IMPG2: variants seen among roughly 807,000 people sequenced by gnomAD.
IMPG2 encodes IPM 200.
IMPG2 carries 91 observed loss-of-function variants against 129.2 expected under a neutral mutation model. That is an observed-to-expected ratio of 0.70 (90% CI 0.59 to 0.84). The LOEUF is 0.84. Ranked by LOEUF, IMPG2 falls within the 40% of genes least tolerant of loss-of-function variation. IMPG2 has a pLI of 0.00. For synonymous variants in IMPG2, 510 were observed against 517.7 expected (o/e 0.99, Z 0.20); for missense variants, 1,430 against 1,461.7 (o/e 0.98, Z 0.35).
chr3:101,319,543 G>T, intron 2 of IMPG2, 41 bp downstream of exon 2: 1 of 1,609,166 alleles, frequency 6.2e-7, no homozygotes, highest in Non-Finnish European at 8.5e-7. Context: ...AACTATGTTT[G>T]AATTTCATTA....
rs1262205875 is a variant in IMPG2, at chr3:101,235,210, T to C, written c.3023-2219A>G. On this transcript the variant is annotated intron_variant, in intron 14 of 18. Coordinates refer to ENST00000193391, the MANE Select transcript of IMPG2 (RefSeq NM_016247.4). ...CATCATGCTGTGCATGGAAAAACTGTATCACTCCGAAGGAAAGTGTGAGAG... is the reference window on the plus strand; with the variant it reads ...CATCATGCTGTGCATGGAAAAACTGCATCACTCCGAAGGAAAGTGTGAGAG... Among the ~76,000 whole-genome samples the C allele has an allele frequency of 4.6e-5, 7 of 152,366 alleles. No individual in the cohort carries two copies. In the East Asian group the frequency reaches 7.7e-4, roughly 17 times the overall value.
chr3:101,313,852 A>G (rs2058769106), intron 2 of IMPG2, among the ~76,000 whole-genome samples: 1 of 152,124 alleles, frequency 6.6e-6, no homozygotes, highest in African/African-American at 2.4e-5. Flanking sequence ...GAATATACCC[A>G]AAAAAGCTAC....
intron 11 of IMPG2, among the ~76,000 whole-genome samples, chr3:101,252,940 A>G (rs1463879987): frequency 1.3e-5 from 2 of 152,196 alleles, no homozygotes; most frequent in African/African-American, 4.8e-5. Context: ...CTGTTTGTAT[A>G]TGATAACAAA....
chr3:101,263,599 C>T (rs1706692023), intron 9 of IMPG2, among the ~76,000 whole-genome samples: 1 of 151,552 alleles, frequency 6.6e-6, no homozygotes, highest in Non-Finnish European at 1.5e-5. Flanking sequence ...CATCAAACAA[C>T]TAAAAAGATT....
At chr3:101,246,153 T>C (rs371432701) in intron 11 of IMPG2, 48 bp from the exon 12 acceptor site, 52 of 1,578,462 alleles carry the variant, frequency 3.3e-5, no homozygotes, top group Non-Finnish European at 4.2e-5. Flanking sequence ...AAGAAACATA[T>C]AAAAAGTGAT....
chr3:101,299,560 C>T (rs1707118147), intron 3 of IMPG2, among the ~76,000 whole-genome samples: 1 of 151,936 alleles, frequency 6.6e-6, no homozygotes, highest in Admixed American at 6.5e-5. Flanking sequence ...GGATGCTGAC[C>T]CTTGGATTGA....
intron 11 of IMPG2, among the ~76,000 whole-genome samples, 189 bp downstream of exon 11, chr3:101,253,507 G>C (rs1429531408): frequency 6.6e-6 from 1 of 152,078 alleles, no homozygotes; most frequent in Admixed American, 6.6e-5. Context: ...CACTGCAGAA[G>C]GCTTAAATTT....
At chr3:101,294,985 T>C (rs751596278) in intron 3 of IMPG2, among the ~76,000 whole-genome samples, 39 of 152,196 alleles carry the variant, frequency 2.6e-4, no homozygotes, top group Non-Finnish European at 4.9e-4. Context: ...TATTAGACCT[T>C]TGTCAGATGG....
chr3:101,312,405 T>C (rs1559660870), intron 2 of IMPG2, among the ~76,000 whole-genome samples: 1 of 151,908 alleles, frequency 6.6e-6, no homozygotes, highest in Non-Finnish European at 1.5e-5. Flanking sequence ...AAATGATAAA[T>C]AAGCATATGA....
intron 10 of IMPG2, among the ~76,000 whole-genome samples, 195 bp downstream of exon 10, chr3:101,257,334 C>T (rs539844077): frequency 8.9e-4 from 136 of 152,232 alleles, no homozygotes; most frequent in Middle Eastern, 3.4e-3. Flanking sequence ...CTTTTGTCTA[C>T]AAATATTCCA....
chr3:101,311,010 T>C (rs904775435), intron 2 of IMPG2, among the ~76,000 whole-genome samples: 1 of 152,106 alleles, frequency 6.6e-6, no homozygotes, highest in African/African-American at 2.4e-5. Context: ...TCAAATTCAA[T>C]TGCCAGAGTC....
Position 101,253,685 on chromosome 3 carries a change from TA to T in IMPG2, c.1239+10del, listed in dbSNP as rs751135558. ...GAGGGCCTGGTTCTAGCATAAAACATAAAAACATACCAGAATAGATGACGGC... is the reference window on the plus strand; with the variant it reads ...GAGGGCCTGGTTCTAGCATAAAACATAAAACATACCAGAATAGATGACGGC... On this transcript the variant is annotated intron_variant, in intron 11 of 18. Coordinates refer to ENST00000193391, the MANE Select transcript of IMPG2 (RefSeq NM_016247.4). The T allele has an allele frequency of 4.8e-5, 77 of 1,596,928 alleles. No individual in the cohort carries two copies. The highest frequency in any genetic ancestry group is 1.3e-4 in the Admixed American group (8 of 59,542).
intron 11 of IMPG2, among the ~76,000 whole-genome samples, chr3:101,253,100 T>C (rs999588720): frequency 3.3e-5 from 5 of 152,086 alleles, no homozygotes; most frequent in African/African-American, 1.2e-4. Context: ...GGAAGAGGAA[T>C]TCCTGATGCA....
At position 101,244,453 on chromosome 3, in the gene IMPG2, T is replaced by C. The variant is rs771820155; in HGVS notation, c.1878A>G (p.Glu626=). 5.6e-6 allele frequency: 9 copies of C among 1,614,152 alleles called. No homozygotes were observed. The highest frequency in any genetic ancestry group is 1.7e-5 in the Admixed American group (1 of 60,016). The change falls in exon 13 of 19, where the codon GAA becomes GAG. Residue 626 remains glutamate, a synonymous_variant. Transcript: ENST00000193391. ...CTTCAAGCCACGGCTTGGACAGTGG[T>C]TCAGCGCTCTTCTCTGATGAAGTCT... ...WSETSSEKSA[E]PLSKPWLEDD... is the part of the protein sequence containing the mutation.
chr3:101,293,449 A>G (rs545625097), intron 3 of IMPG2, among the ~76,000 whole-genome samples: 1 of 152,330 alleles, frequency 6.6e-6, no homozygotes, highest in East Asian at 1.9e-4. Context: ...TCAGTAAACC[A>G]TACTGTAAAC....
At chr3:101,297,048 G>A (rs536279587) in intron 3 of IMPG2, among the ~76,000 whole-genome samples, 16 of 152,212 alleles carry the variant, frequency 1.1e-4, no homozygotes, top group Non-Finnish European at 2.1e-4. Context: ...GACTACAGGC[G>A]CCAGGCGCCA....
intron 11 of IMPG2, among the ~76,000 whole-genome samples, chr3:101,250,935 C>G (rs1706536941): frequency 6.6e-6 from 1 of 152,122 alleles, no homozygotes; most frequent in African/African-American, 2.4e-5. Context: ...TTGCTCAATA[C>G]CAAGTTCTGT....
chr3:101,316,845 TA>T (rs2058788191), intron 2 of IMPG2, among the ~76,000 whole-genome samples: 1 of 152,124 alleles, frequency 6.6e-6, no homozygotes, highest in Non-Finnish European at 1.5e-5. Context: ...AAATATCCCA[TA>T]TTGTGGTATA....
At chr3:101,275,050 G>A (rs1446080190) in intron 6 of IMPG2, among the ~76,000 whole-genome samples, 1 of 149,764 alleles carries the variant, frequency 6.7e-6, no homozygotes, top group Non-Finnish European at 1.5e-5. Flanking sequence ...TTTTGTCAGA[G>A]TTAGCTCTAT....
Sources: allele counts gnomAD v4.1 joint callset (sites outside exome capture counted in the v4.1 genomes callset), GRCh38; gene constraint gnomAD v4.1.1; transcripts MANE v1.5; gene names NCBI Gene and HGNC (gene_info 2026-07-23, HGNC 2026-07-21).